The following PCDHA6 variants were observed in gnomAD, a reference collection of about 807,000 sequenced individuals.
PCDHA6 encodes protocadherin alpha-6.
A neutral mutation model predicts 60.3 loss-of-function variants in PCDHA6; 55 were observed. That is an observed-to-expected ratio of 0.91 (90% CI 0.73 to 1.14). The LOEUF is 1.14. Among genes scored for constraint, PCDHA6 ranks in the 50% most tolerant of loss-of-function variants. The probability of loss-of-function intolerance (pLI) is 0.00; values close to 1 mark genes in which losing one functional copy is unlikely to be tolerated. For missense variants in PCDHA6, 1,327 were observed against 1,256.5 expected (o/e 1.06, Z -0.85); for synonymous variants, 652 against 557.9 (o/e 1.17, Z -2.38).
chr5:140,924,238 T>A (rs781820581), intron 1 of PCDHA6, among the ~76,000 whole-genome samples: 5 of 152,244 alleles, frequency 3.3e-5, no homozygotes, highest in Admixed American at 1.3e-4. Flanking sequence ...ATGGGCTGTT[T>A]TGCATCCTGG....
intron 3 of PCDHA6, among the ~76,000 whole-genome samples, chr5:140,990,514 T>C (rs1437267512): frequency 1.3e-5 from 2 of 152,204 alleles, no homozygotes; most frequent in Non-Finnish European, 1.5e-5. Context: ...TCTTCTCTCT[T>C]GTCTTTTTTG....
Position 140,938,896 on chromosome 5 carries a change from C to T in PCDHA6, c.2395-40053C>T, listed in dbSNP as rs188490743. 3.9e-5 allele frequency among the ~76,000 whole-genome samples: 6 copies of T among 152,036 alleles called. 1 individual carries two copies. The East Asian group carries it at 1.2e-3, about 29-fold the overall frequency. The stretch of plus-strand genomic sequence containing the variant: ...GAAGCAACACACACACACACAGATG[C>T]GCACACACACACACGCACAAGAAAT... On this transcript the variant is annotated intron_variant, in intron 1 of 3. Transcript: ENST00000529310.
chr5:140,988,516 G>A (rs1226381986), intron 3 of PCDHA6, among the ~76,000 whole-genome samples: 1 of 152,156 alleles, frequency 6.6e-6, no homozygotes, highest in African/African-American at 2.4e-5. Flanking sequence ...GCTTACTTAA[G>A]TCTCTGCTGG....
chr5:140,902,225 A>G (rs1454445915), intron 1 of PCDHA6, among the ~76,000 whole-genome samples: 1 of 114,610 alleles, frequency 8.7e-6, no homozygotes, highest in African/African-American at 3.5e-5. Context: ...TTTTTTTGAG[A>G]TGAGGACTTG....
chr5:140,978,175 G>A (rs1163383689), intron 1 of PCDHA6, among the ~76,000 whole-genome samples: 1 of 152,170 alleles, frequency 6.6e-6, no homozygotes, highest in Admixed American at 6.5e-5. Context: ...TTTGTAGAGA[G>A]AGGGCAACAG....
Position 140,881,317 on chromosome 5 carries a change from T to A in PCDHA6, c.2394+50832T>A, listed in dbSNP as rs2058663628. On this transcript the variant is annotated intron_variant, in intron 1 of 3. Coordinates refer to ENST00000529310, the MANE Select transcript of PCDHA6 (RefSeq NM_018909.4). ...GGAAACTTTAACCTCCTGGTTAAAT[T>A]CTATTTAACCAGGACGCCGATTCGG... 8.2e-6 allele frequency: 8 copies of A among 977,378 alleles called. No individual in the cohort carries two copies. The Admixed American group carries it at 4.9e-4, about 60-fold the overall frequency. The allele number at this position is 977,378 out of a possible 1,614,324, so 60.5% of individuals were successfully genotyped here.
chr5:140,858,306 G>A (rs1554151408), intron 1 of PCDHA6: 3 of 1,597,282 alleles, frequency 1.9e-6, no homozygotes, highest in South Asian at 1.1e-5. Flanking sequence ...CAGCAGAGGC[G>A]GCAGAGGGTG....
chr5:140,948,895 A>G (rs1192387448), intron 1 of PCDHA6, among the ~76,000 whole-genome samples: 1 of 151,548 alleles, frequency 6.6e-6, no homozygotes, highest in Non-Finnish European at 1.5e-5. Flanking sequence ...TTAGATTTTA[A>G]GTGGATTCTT....
chr5:140,979,414 T>C (rs1410205907), intron 2 of PCDHA6, among the ~76,000 whole-genome samples: 1 of 152,242 alleles, frequency 6.6e-6, no homozygotes, highest in African/African-American at 2.4e-5. Flanking sequence ...CCTTGTTTTT[T>C]TTTTAATCTC....
chr5:140,945,526 A>T (rs1466059696), intron 1 of PCDHA6, among the ~76,000 whole-genome samples: 2 of 152,130 alleles, frequency 1.3e-5, no homozygotes, highest in African/African-American at 4.8e-5. Context: ...AATAAATAAA[A>T]CAAAACATAC....
At chr5:140,978,791 A>G (rs1443899144) in intron 1 of PCDHA6, 158 bp from the exon 2 acceptor site, 1 of 976,042 alleles carries the variant, frequency 1.0e-6, no homozygotes, top group Non-Finnish European at 1.2e-6. Context: ...AAAGTGCTAT[A>G]TATGTAGATA....
intron 1 of PCDHA6, among the ~76,000 whole-genome samples, chr5:140,912,892 A>T (rs1554195590): frequency 2.0e-5 from 3 of 152,210 alleles, no homozygotes. Context: ...TTCTGTTGAT[A>T]TGATGTATCA....
rs781982422 is a variant in PCDHA6 at position 140,871,325 on chromosome 5, C to T, written c.2394+40840C>T. 4 of 1,613,988 alleles carry T rather than the reference C, an allele frequency of 2.5e-6. No individual in the cohort carries two copies. Among genetic ancestry groups the T allele is most frequent in the Non-Finnish European group, 3.4e-6 (4 of 1,180,038 alleles). On this transcript the variant is annotated intron_variant, in intron 1 of 3. Coordinates refer to ENST00000529310, the MANE Select transcript of PCDHA6 (RefSeq NM_018909.4). ...CCGGGGAAGCCCACGCTGGTGTGCTCCCGCGCGGTGGGGAGCTGGTCATAC... is the reference window on the plus strand; with the variant it reads ...CCGGGGAAGCCCACGCTGGTGTGCTTCCGCGCGGTGGGGAGCTGGTCATAC...
intron 1 of PCDHA6, among the ~76,000 whole-genome samples, chr5:140,974,111 T>C (rs1475006775): frequency 2.0e-5 from 3 of 152,280 alleles, no homozygotes; most frequent in Non-Finnish European, 4.4e-5. Flanking sequence ...AAGTATTCTT[T>C]TGCAGTGTTT....
intron 1 of PCDHA6, among the ~76,000 whole-genome samples, chr5:140,892,180 T>C (rs1176959692): frequency 6.6e-6 from 1 of 152,224 alleles, no homozygotes; most frequent in African/African-American, 2.4e-5. Context: ...GGGATCCTCA[T>C]GGGTCTATTC....
chr5:140,837,979 T>G (rs1775353810), intron 1 of PCDHA6, among the ~76,000 whole-genome samples: 1 of 151,792 alleles, frequency 6.6e-6, no homozygotes, highest in Non-Finnish European at 1.5e-5. Flanking sequence ...ACACCCAGCC[T>G]GCCTTTCATC....
intron 1 of PCDHA6, among the ~76,000 whole-genome samples, chr5:140,844,226 G>A (rs1049637065): frequency 1.3e-5 from 2 of 149,336 alleles, no homozygotes; most frequent in Non-Finnish European, 3.0e-5. Flanking sequence ...AATATCTTTG[G>A]TGTTTCACTA....
rs1012749061 is a variant in PCDHA6 at position 141,011,525 on chromosome 5, C to T, written c.*1588C>T. Reference sequence around the variant, plus strand: ...AAAAGTGGAGTAGTGTTTTTTTAACCATTGTTAATCAGCTTTTGTGTATGA... The same window carrying T: ...AAAAGTGGAGTAGTGTTTTTTTAACTATTGTTAATCAGCTTTTGTGTATGA... On this transcript the variant is annotated 3_prime_UTR_variant, in exon 4 of 4. Coordinates refer to ENST00000529310, the MANE Select transcript of PCDHA6 (RefSeq NM_018909.4). 11 of 153,568 alleles carry T rather than the reference C, an allele frequency of 7.2e-5. No individual in the cohort carries two copies. The Admixed American group carries it at 7.2e-4, about 10-fold the overall frequency. 9.5% of individuals were successfully genotyped at this position (153,568 alleles called of 1,614,324 possible).
At chr5:140,927,051 G>C (rs1554203978) in intron 1 of PCDHA6, 1 of 1,611,998 alleles carries the variant, frequency 6.2e-7, no homozygotes, top group Non-Finnish European at 8.5e-7. Flanking sequence ...TGTCCTCGCG[G>C]AACTTTCGCT....
Sources: gnomAD v4.1 joint callset for allele counts (sites outside exome capture counted in the v4.1 genomes callset) on GRCh38, gnomAD v4.1.1 for gene constraint, MANE v1.5 for transcripts, NCBI Gene and HGNC (gene_info 2026-07-23, HGNC 2026-07-21) for gene names.